The following CSMD2 variants were observed in gnomAD, a reference collection of about 807,000 sequenced individuals.
CSMD2 encodes CUB and Sushi multiple domains 2.
In CSMD2, 130 loss-of-function variants were observed where a neutral mutation model predicts 398.5. The ratio of observed to expected loss-of-function variants is 0.33; its 90% CI spans 0.28 to 0.38. CSMD2 has a LOEUF of 0.38. Among genes scored for constraint, CSMD2 ranks in the 10% least tolerant of loss-of-function variants. CSMD2 has a pLI of 1.00. For synonymous variants in CSMD2, 1,828 were observed against 1,908.5 expected (o/e 0.96, Z 1.10); for missense variants, 3,829 against 4,764.9 (o/e 0.80, Z 5.78).
At chr1:34,050,379 A>C (rs1558302887) in intron 2 of CSMD2, among the ~76,000 whole-genome samples, 1 of 152,226 alleles carries the variant, frequency 6.6e-6, no homozygotes, top group Non-Finnish European at 1.5e-5. Flanking sequence ...CATAGTGCCT[A>C]ATCCACTGTC....
chr1:33,883,982 G>T (rs1236496782), intron 5 of CSMD2, among the ~76,000 whole-genome samples: 2 of 152,126 alleles, frequency 1.3e-5, no homozygotes, highest in Non-Finnish European at 2.9e-5. Flanking sequence ...GAATTCAGTG[G>T]ACTCTCTAGG....
chr1:33,708,742 C>T lies in CSMD2; in HGVS notation c.3576+347G>A, dbSNP rs1204976551. Among the ~76,000 whole-genome samples the T allele has an allele frequency of 2.6e-5, 4 of 152,016 alleles. No individual in the cohort carries two copies. The East Asian group carries it at 5.8e-4, about 22-fold the overall frequency. Reference sequence around the variant, plus strand: ...TCAGCCTACCCAGTAGCTGGGACTACAGGCATGCACCACCACACCCAGCTA... The same window carrying T: ...TCAGCCTACCCAGTAGCTGGGACTATAGGCATGCACCACCACACCCAGCTA... On this transcript the variant is annotated intron_variant, in intron 22 of 70. Transcript: ENST00000373381.
At chr1:34,132,914 G>A (rs796321165) in intron 1 of CSMD2, among the ~76,000 whole-genome samples, 1 of 151,404 alleles carries the variant, frequency 6.6e-6, no homozygotes, top group South Asian at 2.1e-4. Flanking sequence ...ATAATTGCAT[G>A]AGCCAATTCT....
Position 33,896,557 on chromosome 1 carries a change from C to G in CSMD2, c.920+21537G>C, listed in dbSNP as rs941552684. 2.6e-5 allele frequency among the ~76,000 whole-genome samples: 4 copies of G among 152,200 alleles called. No homozygotes were observed. In the East Asian group the frequency reaches 7.7e-4, roughly 29 times the overall value. The stretch of plus-strand genomic sequence containing the variant: ...CTTTGGCAAGTCACATGCCACCCAC[C>G]TGTGCCTCAGTTTCTTCATCTGGCG... On this transcript the variant is annotated intron_variant, in intron 5 of 70. Transcript: ENST00000373381.
At chr1:33,837,603 C>T (rs568425533) in intron 6 of CSMD2, among the ~76,000 whole-genome samples, 1 of 152,320 alleles carries the variant, frequency 6.6e-6, no homozygotes, top group South Asian at 2.1e-4. Context: ...CCCATGCATA[C>T]ATGCACATTT....
intron 25 of CSMD2, among the ~76,000 whole-genome samples, chr1:33,680,148 C>T (rs1159444190): frequency 6.8e-5 from 6 of 88,536 alleles, no homozygotes; most frequent in African/African-American, 2.8e-4. Context: ...ATGGCCTCGC[C>T]TTTTTTTTTT....
At chr1:33,849,796 T>A (rs908492802) in intron 5 of CSMD2, among the ~76,000 whole-genome samples, 1 of 150,344 alleles carries the variant, frequency 6.7e-6, no homozygotes, top group Non-Finnish European at 1.5e-5. Context: ...GGATAGCATC[T>A]CCAAAATATA....
At chr1:34,058,431 A>G (rs994820953) in intron 2 of CSMD2, among the ~76,000 whole-genome samples, 10 of 152,200 alleles carry the variant, frequency 6.6e-5, no homozygotes, top group Admixed American at 5.9e-4. Context: ...CTACATTCCT[A>G]TAGCTATCAA....
chr1:33,822,219 G>T (rs1430684024), intron 7 of CSMD2, among the ~76,000 whole-genome samples: 1 of 152,180 alleles, frequency 6.6e-6, no homozygotes, highest in Non-Finnish European at 1.5e-5. Context: ...AGCAGGAATG[G>T]ATGTGGCAAA....
At chr1:33,805,796 C>T (rs1307856835) in intron 10 of CSMD2, among the ~76,000 whole-genome samples, 1 of 151,836 alleles carries the variant, frequency 6.6e-6, no homozygotes, top group South Asian at 2.1e-4. Flanking sequence ...AGGATGAGAG[C>T]CCTCATCAGA....
At chr1:33,733,110 C>T (rs188768244) in intron 15 of CSMD2, among the ~76,000 whole-genome samples, 57 of 152,296 alleles carry the variant, frequency 3.7e-4, no homozygotes, top group African/African-American at 1.2e-3. Flanking sequence ...GCTTCTGTAA[C>T]GGGATGTAGG....
intron 3 of CSMD2, among the ~76,000 whole-genome samples, chr1:34,027,665 C>G (rs181656635): frequency 6.6e-6 from 1 of 152,336 alleles, no homozygotes; most frequent in African/African-American, 2.4e-5. Flanking sequence ...ATTAGAAAGA[C>G]AAATCAGGGC....
At chr1:33,653,422 G>A (rs1051697122) in intron 27 of CSMD2, among the ~76,000 whole-genome samples, 9 of 152,188 alleles carry the variant, frequency 5.9e-5, no homozygotes, top group African/African-American at 1.2e-4. Flanking sequence ...GGTCTCCTAC[G>A]CTGCCAGTGC....
intron 1 of CSMD2, among the ~76,000 whole-genome samples, chr1:34,104,608 CG>C (rs903105564): frequency 1.6e-4 from 25 of 152,116 alleles, no homozygotes; most frequent in African/African-American, 5.8e-4. Flanking sequence ...GGAAACACAG[CG>C]GGGAGCTGCA....
chr1:34,087,372 C>G (rs1369103023), intron 2 of CSMD2, among the ~76,000 whole-genome samples: 1 of 151,520 alleles, frequency 6.6e-6, no homozygotes, highest in Non-Finnish European at 1.5e-5. Context: ...AACACAGGAA[C>G]AGAAAACCAA....
intron 5 of CSMD2, among the ~76,000 whole-genome samples, chr1:33,900,332 A>G (rs1045005073): frequency 2.6e-5 from 4 of 152,226 alleles, no homozygotes; most frequent in Non-Finnish European, 5.9e-5. Flanking sequence ...GTCAGGAAAG[A>G]AAATGAATTA....
At chr1:33,804,611 G>A (rs1656010267) in intron 10 of CSMD2, 2 of 691,220 alleles carry the variant, frequency 2.9e-6, no homozygotes, top group Admixed American at 4.1e-5. Flanking sequence ...CAAGGGCAGA[G>A]GCCATATCTA....
At chr1:33,749,452 A>G (rs998118838) in intron 13 of CSMD2, among the ~76,000 whole-genome samples, 16 of 152,180 alleles carry the variant, frequency 1.1e-4, no homozygotes, top group Non-Finnish European at 1.9e-4. Flanking sequence ...TAGTAAGGAG[A>G]AAATTCATAG....
chr1:34,037,494 A>G (rs1177216438), intron 2 of CSMD2, among the ~76,000 whole-genome samples: 1 of 152,204 alleles, frequency 6.6e-6, no homozygotes, highest in Non-Finnish European at 1.5e-5. Context: ...ATGGATTAAA[A>G]TAGTAAATTG....
Sources: gnomAD v4.1 joint callset for allele counts (sites outside exome capture counted in the v4.1 genomes callset) on GRCh38, gnomAD v4.1.1 for gene constraint, MANE v1.5 for transcripts, NCBI Gene and HGNC (gene_info 2026-07-23, HGNC 2026-07-21) for gene names.